ZMYND8: variants seen among roughly 807,000 people sequenced by gnomAD.
ZMYND8 encodes MYND-type zinc finger-containing chromatin reader ZMYND8.
In ZMYND8, 37 loss-of-function variants were observed where a neutral mutation model predicts 140.8. That is an observed-to-expected ratio of 0.26 (90% CI 0.20 to 0.35). ZMYND8 has a LOEUF of 0.35. Among genes scored for constraint, ZMYND8 ranks in the 10% least tolerant of loss-of-function variants. The pLI is 1.00. For missense variants in ZMYND8, 1,068 were observed against 1,570.0 expected (o/e 0.68, Z 5.40); for synonymous variants, 592 against 597.1 (o/e 0.99, Z 0.12).
Position 47,270,716 on chromosome 20 carries a change from A to AAAAG in ZMYND8, c.1480+5594_1480+5597dup, listed in dbSNP as rs1234710533. On this transcript the variant is annotated intron_variant, in intron 11 of 22. Coordinates refer to ENST00000471951, the MANE Select transcript of ZMYND8 (RefSeq NM_001281775.3). ...GTCTCTGAAAAAAAAAAAAAAAAAA[A>AAAAG]AAAGAAAGAAAGAAAAAGAAAAAGC... Among the ~76,000 whole-genome samples the AAAAG allele has an allele frequency of 1.0e-3, 141 of 139,300 alleles. 1 individual carries two copies. Among genetic ancestry groups the AAAAG allele is most frequent in the East Asian group, 1.9e-3 (9 of 4,844 alleles). 91.4% of individuals were successfully genotyped at this position (139,300 alleles called of 152,430 possible).
intron 14 of ZMYND8, among the ~76,000 whole-genome samples, chr20:47,245,364 C>G (rs6018360): frequency 0.21 from 32,158 of 151,924 alleles, 6,789 homozygotes; most frequent in African/African-American, 0.53. Flanking sequence ...ATCCTGCCTC[C>G]GCCTCACGAG....
chr20:47,343,056 G>C (rs2082042269), intron 2 of ZMYND8, among the ~76,000 whole-genome samples: 1 of 152,124 alleles, frequency 6.6e-6, no homozygotes, highest in Non-Finnish European at 1.5e-5. Flanking sequence ...AAAGTGGTAG[G>C]ATCACTTGAG....
chr20:47,246,649 A>C, intron 13 of ZMYND8, 132 bp from the exon 14 acceptor site: 1 of 1,285,386 alleles, frequency 7.8e-7, no homozygotes, highest in Non-Finnish European at 1.0e-6. Context: ...CATTGGCCTA[A>C]ATGGGGCCAG....
intron 2 of ZMYND8, among the ~76,000 whole-genome samples, chr20:47,342,846 C>CAAAAAAAAAAAAAAAAA (rs1041501318): frequency 2.7e-5 from 2 of 75,030 alleles, no homozygotes; most frequent in African/African-American, 8.5e-5. Context: ...GACTACATCT[C>CAAAAAAAAAAAAAAAAA]AAAAAAAAAA....
chr20:47,325,565 G>C (rs778764048), intron 2 of ZMYND8, among the ~76,000 whole-genome samples: 1 of 152,092 alleles, frequency 6.6e-6, no homozygotes, highest in Non-Finnish European at 1.5e-5. Context: ...CTCTGAAAGG[G>C]ACCCCAGAAC....
chr20:47,354,104 G>A (rs2083018933), intron 1 of ZMYND8: 3 of 152,078 alleles, frequency 2.0e-5, no homozygotes, highest in Admixed American at 1.3e-4. Flanking sequence ...GGAAAATAAT[G>A]CTACTTTGAA....
At chr20:47,258,396 T>C (rs779223737) in intron 12 of ZMYND8, among the ~76,000 whole-genome samples, 9 of 152,212 alleles carry the variant, frequency 5.9e-5, no homozygotes, top group Non-Finnish European at 1.2e-4. Flanking sequence ...TTGTTGTAAT[T>C]TTTAAAAAGT....
intron 2 of ZMYND8, among the ~76,000 whole-genome samples, chr20:47,317,128 T>G (rs1200086063): frequency 6.6e-6 from 1 of 150,452 alleles, no homozygotes; most frequent in Non-Finnish European, 1.5e-5. Context: ...TCATTTTGCC[T>G]TTTTTCCCCT....
chr20:47,253,954 G>C (rs1241283981), intron 12 of ZMYND8, among the ~76,000 whole-genome samples: 1 of 152,188 alleles, frequency 6.6e-6, no homozygotes, highest in Non-Finnish European at 1.5e-5. Flanking sequence ...AAATGGCTAG[G>C]GGCTGGGCCC....
At chr20:47,275,121 C>T (rs894880611) in intron 11 of ZMYND8, among the ~76,000 whole-genome samples, 1 of 152,204 alleles carries the variant, frequency 6.6e-6, no homozygotes, top group African/African-American at 2.4e-5. Context: ...TCTTCCAAGA[C>T]ATCTTAAACT....
chr20:47,325,793 G>GT (rs201963632), intron 2 of ZMYND8, among the ~76,000 whole-genome samples: 3,214 of 146,910 alleles, frequency 0.022, 64 homozygotes, highest in African/African-American at 0.057. Flanking sequence ...ATTTTGTTTT[G>GT]TTTTTTTTTT....
chr20:47,321,766 A>G (rs2079970672), intron 2 of ZMYND8, among the ~76,000 whole-genome samples: 1 of 152,054 alleles, frequency 6.6e-6, no homozygotes, highest in Non-Finnish European at 1.5e-5. Context: ...AGCTAGAAAC[A>G]CAGTTGTAAC....
intron 18 of ZMYND8, among the ~76,000 whole-genome samples, chr20:47,225,055 G>GGAAACC (rs1430211956): frequency 1.3e-5 from 2 of 152,128 alleles, no homozygotes; most frequent in African/African-American, 4.8e-5. Context: ...TCGCAGATGA[G>GGAAACC]GAAACCGAGG....
chr20:47,333,724 C>CAAAAAAAAAAAAAAAAAAAAAAAAA, intron 2 of ZMYND8, among the ~76,000 whole-genome samples: 1 of 29,728 alleles, frequency 3.4e-5, no homozygotes, highest in Non-Finnish European at 6.3e-5. Flanking sequence ...GACTCCGTCT[C>CAAAAAAAAAAAAAAAAAAAAAAAAA]AAAAAAAAAA....
chr20:47,355,560 A>AACTGT, intron 1 of ZMYND8: 1 of 932,686 alleles, frequency 1.1e-6, no homozygotes, highest in Non-Finnish European at 1.3e-6. Flanking sequence ...GTTACATGGT[A>AACTGT]TTATTAAAAA....
chr20:47,288,720 C>T (rs1203305242), intron 7 of ZMYND8, among the ~76,000 whole-genome samples: 2 of 152,190 alleles, frequency 1.3e-5, no homozygotes, highest in Non-Finnish European at 2.9e-5. Flanking sequence ...TAGTGCCTCT[C>T]CTTTTTCCCC....
intron 10 of ZMYND8, among the ~76,000 whole-genome samples, chr20:47,278,583 G>A (rs544059974): frequency 2.6e-5 from 4 of 151,758 alleles, no homozygotes; most frequent in South Asian, 4.2e-4. Context: ...CCCTGGGACC[G>A]AATTCACAAT....
At chr20:47,352,322 A>G (rs907304268) in intron 1 of ZMYND8, among the ~76,000 whole-genome samples, 1 of 152,226 alleles carries the variant, frequency 6.6e-6, no homozygotes, top group Non-Finnish European at 1.5e-5. Flanking sequence ...CGGCAAAGGT[A>G]AAATAAAAAG....
intron 18 of ZMYND8, 57 bp downstream of exon 18, chr20:47,227,146 G>T: frequency 8.9e-6 from 14 of 1,569,262 alleles, no homozygotes; most frequent in Non-Finnish European, 1.2e-5. Flanking sequence ...CTCCAGAGGT[G>T]CAAAGAAGTT....
Sources: allele counts gnomAD v4.1 joint callset (sites outside exome capture counted in the v4.1 genomes callset), GRCh38; gene constraint gnomAD v4.1.1; transcripts MANE v1.5; gene names NCBI Gene and HGNC (gene_info 2026-07-23, HGNC 2026-07-21).